The following AGAP3 variants were observed in gnomAD, a reference collection of about 807,000 sequenced individuals.
AGAP3 encodes the protein arf-GAP with GTPase, ANK repeat and PH domain-containing protein 3.
A neutral mutation model predicts 96.9 loss-of-function variants in AGAP3; 24 were observed. The observed-to-expected ratio is 0.25, with a 90% CI of 0.18 to 0.35. The LOEUF is 0.35. Among genes scored for constraint, AGAP3 ranks in the 10% least tolerant of loss-of-function variants. AGAP3 has a pLI of 1.00. For missense variants in AGAP3, 876 were observed against 1,254.2 expected (o/e 0.70, Z 4.55); for synonymous variants, 563 against 536.1 (o/e 1.05, Z -0.69).
intron 1 of AGAP3, among the ~76,000 whole-genome samples, chr7:151,094,369 G>A (rs970245227): frequency 4.0e-5 from 6 of 151,834 alleles, no homozygotes; most frequent in African/African-American, 1.2e-4. Flanking sequence ...GGACGTTTGC[G>A]GCACTCTGGC....
chr7:151,118,260 A>G lies in AGAP3; in HGVS notation c.757A>G (p.Lys253Glu). 6.2e-7 allele frequency: 1 copy of G among 1,613,104 alleles called. No individual in the cohort carries two copies. Among genetic ancestry groups the G allele is most frequent in the Non-Finnish European group, 8.5e-7 (1 of 1,179,168 alleles). Residue 253 changes from lysine (K) to glutamate (E), a missense_variant, in exon 6 of 18, where the codon AAG becomes GAG. Lys to Glu is a moderately conservative substitution (Grantham distance 56). This residue lies in a region of AGAP3 where 131 missense variants were observed against 304.5 expected (regional missense o/e 0.43). Coordinates refer to ENST00000397238, the MANE Select transcript of AGAP3 (RefSeq NM_031946.7). The surrounding 1 kb of genome is among the most constrained non-coding windows in gnomAD (Gnocchi z 6.1). ...GGTTATCGACGACAGCAGAGCCCGC[A>G]AGCTCTCCACAGATCTGAAGCGGTG... ...PRVIDDSRAR[K>E]LSTDLKRCTY...
intron 10 of AGAP3, among the ~76,000 whole-genome samples, chr7:151,132,936 C>A (rs895244958): frequency 6.6e-6 from 1 of 152,196 alleles, no homozygotes; most frequent in African/African-American, 2.4e-5. Flanking sequence ...TCAGTTTTCC[C>A]TGGAGCTAAC....
chr7:151,112,603 G>C (rs1016715466), intron 1 of AGAP3, among the ~76,000 whole-genome samples: 2 of 151,882 alleles, frequency 1.3e-5, no homozygotes, highest in Non-Finnish European at 2.9e-5. Context: ...TCCTGTGCTT[G>C]CTTCTTATTT....
In AGAP3 at chr7:151,139,345, G is replaced by A. The variant is rs893330472; in HGVS notation, c.1667-634G>A. On this transcript the variant is annotated intron_variant, in intron 12 of 17. Coordinates refer to ENST00000397238, the MANE Select transcript of AGAP3 (RefSeq NM_031946.7). The surrounding 1 kb of genome is among the most constrained non-coding windows in gnomAD (Gnocchi z 4.9). ...CCCAATCCATGCCCAGCCCACCCCT[G>A]GGAGAAGTGAGCTTGGAGCGCATGA... is the stretch of plus-strand genomic sequence containing the variant. 2.6e-5 allele frequency among the ~76,000 whole-genome samples: 4 copies of A among 152,190 alleles called. No individual in the cohort carries two copies. Among genetic ancestry groups the A allele is most frequent in the Admixed American group, 6.5e-5 (1 of 15,290 alleles).
intron 1 of AGAP3, among the ~76,000 whole-genome samples, chr7:151,104,696 T>A (rs1241837155): frequency 6.6e-6 from 1 of 152,154 alleles, no homozygotes; most frequent in Admixed American, 6.5e-5. Context: ...GGAGAAGGGA[T>A]TGCTACGACC....
Position 151,105,792 on chromosome 7 carries a change from C to CCACACACACACA in AGAP3, c.332-10972_332-10961dup, listed in dbSNP as rs60071807. Among the ~76,000 whole-genome samples the CCACACACACACA allele has an allele frequency of 5.2e-3, 140 of 26,912 alleles. 2 individuals carry two copies. The highest frequency in any genetic ancestry group is 0.033 in the East Asian group (19 of 574). 17.7% of individuals were successfully genotyped at this position (26,912 alleles called of 152,430 possible). A position where few individuals can be genotyped will look rare whatever the true frequency, so the allele number is the denominator to read the frequency against. ...CTCCATTCCGCCCCCCCCCCCGACA[C>CCACACACACACA]CACACACACACACACACACACACAC... On this transcript the variant is annotated intron_variant, in intron 1 of 17. Transcript: ENST00000397238.
intron 1 of AGAP3, among the ~76,000 whole-genome samples, chr7:151,091,986 G>A (rs1798417750): frequency 6.6e-6 from 1 of 152,156 alleles, no homozygotes; most frequent in Non-Finnish European, 1.5e-5. Context: ...TCTGCAGCTC[G>A]GGTGTTGAGT....
In AGAP3 at chr7:151,119,122, T is replaced by G. The variant is rs190418826; in HGVS notation, c.969+490T>G. 20 of 191,722 alleles carry G rather than the reference T, an allele frequency of 1.0e-4. No individual in the cohort carries two copies. The East Asian group carries it at 2.5e-3, about 24-fold the overall frequency. The allele number at this position is 191,722 out of a possible 1,614,324, so 11.9% of individuals were successfully genotyped here. Reference sequence around the variant, plus strand: ...GTGGGAAAAAGGAGGAGGAGGGCTGTGTCCTTCTTACTGTCTCTGAGCAGC... The same window carrying G: ...GTGGGAAAAAGGAGGAGGAGGGCTGGGTCCTTCTTACTGTCTCTGAGCAGC... On this transcript the variant is annotated intron_variant, in intron 7 of 17. Transcript: ENST00000397238.
chr7:151,111,016 C>T (rs1799257571), intron 1 of AGAP3, among the ~76,000 whole-genome samples: 2 of 152,162 alleles, frequency 1.3e-5, no homozygotes, highest in Non-Finnish European at 2.9e-5. Context: ...GGGAGGCATC[C>T]TGAGCGCTCT....
intron 1 of AGAP3, among the ~76,000 whole-genome samples, chr7:151,087,526 G>C (rs1184040657): frequency 6.6e-6 from 1 of 152,044 alleles, no homozygotes; most frequent in African/African-American, 2.4e-5. Flanking sequence ...CCGGAGGGTG[G>C]CGCTCGCCGC....
intron 9 of AGAP3, among the ~76,000 whole-genome samples, chr7:151,127,851 G>A (rs1294077119): frequency 6.6e-6 from 1 of 152,170 alleles, no homozygotes; most frequent in Non-Finnish European, 1.5e-5. Context: ...GGGTTTTAGG[G>A]GGCTTTTCCC....
chr7:151,124,171 T>G (rs1800056204), intron 9 of AGAP3, among the ~76,000 whole-genome samples: 2 of 152,202 alleles, frequency 1.3e-5, no homozygotes, highest in Non-Finnish European at 2.9e-5. Flanking sequence ...CCTGTCCCGC[T>G]GGTTCTGGAG....
intron 10 of AGAP3, 49 bp downstream of exon 10, chr7:151,128,733 A>T: frequency 7.5e-5 from 107 of 1,430,338 alleles, no homozygotes; most frequent in Middle Eastern, 2.0e-4. Flanking sequence ...GAGGGGGTGG[A>T]GGGAGGATAA....
chr7:151,128,609 C>A lies in AGAP3; in HGVS notation c.1251C>A (p.Ser417=). 1 of 1,613,818 alleles carries A rather than the reference C, an allele frequency of 6.2e-7. No homozygotes were observed. The highest frequency in any genetic ancestry group is 8.5e-7 in the Non-Finnish European group (1 of 1,179,932). ...TCCTGCTAAAGCGGAGCGGCAAGTC[C>A]CTGAACAAGGAGTGGAAGAAGAAGT... The part of the protein sequence containing the change: ...QGILLKRSGK[S]LNKEWKKKYV... Residue 417 remains serine (S), a synonymous_variant, in exon 10 of 18, where the codon TCC becomes TCA. Transcript: ENST00000397238.
intron 1 of AGAP3, among the ~76,000 whole-genome samples, chr7:151,094,749 G>A (rs186816316): frequency 1.2e-3 from 179 of 148,300 alleles, no homozygotes; most frequent in African/African-American, 4.2e-3. Flanking sequence ...TCCTGGCCTC[G>A]AGTGATCTTC....
chr7:151,118,088 G>T lies in AGAP3; in HGVS notation c.707-122G>T. 1.5e-6 allele frequency: 2 copies of T among 1,339,510 alleles called. No individual in the cohort carries two copies. The highest frequency in any genetic ancestry group is 2.4e-5 in the East Asian group (1 of 41,988). The allele number at this position is 1,339,510 out of a possible 1,614,324, so 83.0% of individuals were successfully genotyped here. ...ATGAGACCCAGGCACCCGCGTTCTT[G>T]GTGCTCTGTGTGTTCCACTCACCAG... On this transcript the variant is annotated intron_variant, in intron 5 of 17. Transcript: ENST00000397238. The surrounding 1 kb of genome is among the most constrained non-coding windows in gnomAD (Gnocchi z 6.1).
At position 151,143,325 on chromosome 7, in the gene AGAP3, G is replaced by A; in HGVS notation, c.2274-16G>A. 1 of 1,598,782 alleles carries A rather than the reference G, an allele frequency of 6.3e-7. No homozygotes were observed. Among genetic ancestry groups the A allele is most frequent in the Non-Finnish European group, 8.5e-7 (1 of 1,170,326 alleles). ...GACCTTCCTTGGCTCATGCCCTGAT[G>A]GGCCTGTGGTTGCAGAGAGGAGAAG... On this transcript the variant is annotated splice_polypyrimidine_tract_variant and intron_variant, in intron 16 of 17. Coordinates refer to ENST00000397238, the MANE Select transcript of AGAP3 (RefSeq NM_031946.7). The surrounding 1 kb of genome is among the most constrained non-coding windows in gnomAD (Gnocchi z 5.9).
At chr7:151,110,041 G>T (rs1030012209) in intron 1 of AGAP3, among the ~76,000 whole-genome samples, 1 of 152,364 alleles carries the variant, frequency 6.6e-6, no homozygotes, top group East Asian at 1.9e-4. Flanking sequence ...AGGTGCCAGA[G>T]GCTGAACTTG....
At position 151,114,733 on chromosome 7, in the gene AGAP3, C is replaced by T; in HGVS notation, c.332-2060C>T. 9.9e-7 allele frequency: 1 copy of T among 1,011,474 alleles called. No homozygotes were observed. The highest frequency in any genetic ancestry group is 1.2e-6 in the Non-Finnish European group (1 of 848,202). 62.7% of individuals were successfully genotyped at this position (1,011,474 alleles called of 1,614,324 possible). On this transcript the variant is annotated intron_variant, in intron 1 of 17. Coordinates refer to ENST00000397238, the MANE Select transcript of AGAP3 (RefSeq NM_031946.7). The surrounding 1 kb of genome is among the most constrained non-coding windows in gnomAD (Gnocchi z 4.4). ...CCGGCCCGGGCCCAGCCCCGTGCCC[C>T]TCGCCATGGGCCTGGCCCGCGCCCG... is the stretch of plus-strand genomic sequence containing the variant.
Sources: gnomAD v4.1 joint callset for allele counts (sites outside exome capture counted in the v4.1 genomes callset) on GRCh38, gnomAD v4.1.1 for gene constraint, gnomAD v4.1.1 regional missense constraint, Gnocchi (gnomAD v3.1) non-coding constraint, MANE v1.5 for transcripts, NCBI Gene and HGNC (gene_info 2026-07-23, HGNC 2026-07-21) for gene names.